The following DNAH14 variants were observed in gnomAD, a reference collection of about 807,000 sequenced individuals.
The protein encoded by DNAH14 is axonemal beta dynein heavy chain 14.
DNAH14 carries 478 observed loss-of-function variants against 520.9 expected under a neutral mutation model. That is an observed-to-expected ratio of 0.92 (90% CI 0.85 to 0.99). The LOEUF (loss-of-function observed/expected upper bound fraction) is 0.99. DNAH14 is among the 50% of genes least tolerant of loss of function. DNAH14 has a pLI of 0.00. For missense variants in DNAH14, 4,831 were observed against 5,234.5 expected (o/e 0.92, Z 2.38); for synonymous variants, 1,581 against 1,757.2 (o/e 0.90, Z 2.51).
chr1:224,938,072 T>C (rs1440548646), intron 1 of DNAH14, among the ~76,000 whole-genome samples: 2 of 152,084 alleles, frequency 1.3e-5, no homozygotes, highest in African/African-American at 4.8e-5. Flanking sequence ...AAGACCTGAA[T>C]CTAAGAACTG....
In DNAH14 at chr1:225,354,010, C is replaced by T. The variant is rs1180383710; in HGVS notation, c.11619+122C>T. 9.3e-5 allele frequency: 63 copies of T among 679,640 alleles called. No individual in the cohort carries two copies. The South Asian group carries it at 1.1e-3, about 12-fold the overall frequency. 42.1% of individuals were successfully genotyped at this position (679,640 alleles called of 1,614,324 possible). A position where few individuals can be genotyped will look rare whatever the true frequency, so the allele number is the denominator to read the frequency against. On this transcript the variant is annotated intron_variant, in intron 73 of 85. Coordinates refer to ENST00000682510, the MANE Select transcript of DNAH14 (RefSeq NM_001367479.1). ...GTATTTTTAAAGTACATTTCGTGAA[C>T]GTTAATAGGAGAGGGAAGCACCTAC...
At position 225,303,250 on chromosome 1, in the gene DNAH14, C is replaced by A. The variant is rs767324360; in HGVS notation, c.8726C>A (p.Ser2909Tyr). 1.2e-5 allele frequency: 18 copies of A among 1,551,386 alleles called. No individual in the cohort carries two copies. The highest frequency in any genetic ancestry group is 1.4e-5 in the Non-Finnish European group (16 of 1,146,844). The change falls in exon 57 of 86, where the codon TCC becomes TAC. Residue 2909 changes from serine to tyrosine, a missense_variant. Transcript: ENST00000682510. The stretch of plus-strand genomic sequence containing the variant: ...AGAGTGTATCCTTCTATGATTAGCT[C>A]CTGCACGATCGATTGGTATGAGAGG... The part of the protein sequence containing the change: ...NCRVYPSMIS[S>Y]CTIDWYERWP...
intron 58 of DNAH14, among the ~76,000 whole-genome samples, 171 bp from the exon 59 acceptor site, chr1:225,307,287 CTTG>C (rs2094266106): frequency 6.6e-6 from 1 of 151,984 alleles, no homozygotes; most frequent in African/African-American, 2.4e-5. Context: ...TTCTTTATAC[CTTG>C]TTAATATAGT....
In DNAH14 at chr1:225,318,607, G is replaced by T. The variant is rs967936534; in HGVS notation, c.9265G>T (p.Val3089Leu). The change falls in exon 61 of 86, where the codon GTG becomes TTG. Residue 3089 changes from valine to leucine, a missense_variant. Val to Leu is a conservative substitution (Grantham distance 32). Transcript: ENST00000682510. ...GAAAACTGCCAATGAACTAAAAAGT[G>T]TGCTGCCAGCCTTTGACAAGGCAAT... ...AQKTANELKSVLPAFDKAIVA... is the reference protein window; with the variant it reads ...AQKTANELKSLLPAFDKAIVA... 5 of 1,548,244 alleles carry T rather than the reference G, an allele frequency of 3.2e-6. No homozygotes were observed. In the African/African-American group the frequency reaches 6.9e-5, roughly 21 times the overall value.
Position 225,079,291 on chromosome 1 carries a change from A to G in DNAH14, c.2509A>G (p.Ile837Val). The change falls in exon 18 of 86, where the codon ATT (isoleucine) becomes GTT (valine). Residue 837 changes from isoleucine to valine, a missense_variant. Ile to Val is a conservative substitution (Grantham distance 29, BLOSUM62 3). Coordinates refer to ENST00000682510, the MANE Select transcript of DNAH14 (RefSeq NM_001367479.1). ...FLEHFIFLNA[I>V]SSKISKLEKE... Reference sequence around the variant, plus strand: ...GGAGCATTTTATTTTTTTGAATGCAATTTCCTCAAAAATATCTAAATTAGA... The same window carrying G: ...GGAGCATTTTATTTTTTTGAATGCAGTTTCCTCAAAAATATCTAAATTAGA... 1.3e-6 allele frequency: 2 copies of G among 1,549,424 alleles called. No individual in the cohort carries two copies. Among genetic ancestry groups the G allele is most frequent in the Non-Finnish European group, 1.7e-6 (2 of 1,146,446 alleles).
chr1:225,061,202 C>A (rs2070035202), intron 17 of DNAH14, among the ~76,000 whole-genome samples: 1 of 152,200 alleles, frequency 6.6e-6, no homozygotes, highest in Non-Finnish European at 1.5e-5. Context: ...CCTACTCAAG[C>A]CTCGGCAATG....
At position 225,250,676 on chromosome 1, in the gene DNAH14, T is replaced by A. The variant is rs771682869; in HGVS notation, c.6749-1625T>A. On this transcript the variant is annotated intron_variant, in intron 43 of 85. Transcript: ENST00000682510. ...CTCAGGATGGAAGCACTGGGGTCAGTCACAGGGCAGACGGAGAAAGGGGAA... is the reference window on the plus strand; with the variant it reads ...CTCAGGATGGAAGCACTGGGGTCAGACACAGGGCAGACGGAGAAAGGGGAA... The A allele has an allele frequency of 1.2e-5, 7 of 565,114 alleles. No individual in the cohort carries two copies. The South Asian group carries it at 1.5e-4, about 12-fold the overall frequency. 35.0% of individuals were successfully genotyped at this position (565,114 alleles called of 1,614,324 possible).
intron 8 of DNAH14, among the ~76,000 whole-genome samples, chr1:224,980,363 TGTGGTG>T (rs1171003050): frequency 6.6e-6 from 1 of 152,142 alleles, no homozygotes; most frequent in Non-Finnish European, 1.5e-5. Context: ...CCTATGGGCC[TGTGGTG>T]GTGGTGGCCA....
chr1:225,332,562 G>C (rs954296291), intron 65 of DNAH14, among the ~76,000 whole-genome samples: 3 of 152,116 alleles, frequency 2.0e-5, no homozygotes, highest in African/African-American at 4.8e-5. Flanking sequence ...AACTCCAAAG[G>C]CGGTGTCAAA....
chr1:225,358,737 A>G, intron 74 of DNAH14, 85 bp downstream of exon 74: 4 of 1,390,270 alleles, frequency 2.9e-6, no homozygotes, highest in Non-Finnish European at 3.9e-6. Context: ...TGTAATCCCC[A>G]TAATCCCCAC....
At chr1:224,976,870 A>G (rs1046772025) in intron 8 of DNAH14, among the ~76,000 whole-genome samples, 14 of 151,594 alleles carry the variant, frequency 9.2e-5, no homozygotes, top group Admixed American at 9.2e-4. Context: ...AGAAATAGGA[A>G]CACTTTTACA....
At chr1:225,386,868 C>A (rs964415501) in intron 81 of DNAH14, among the ~76,000 whole-genome samples, 6 of 152,216 alleles carry the variant, frequency 3.9e-5, no homozygotes, top group Non-Finnish European at 8.8e-5. Context: ...TTGACCCAGC[C>A]ATCCCATTAC....
intron 27 of DNAH14, among the ~76,000 whole-genome samples, chr1:225,128,971 T>C (rs1242088014): frequency 1.3e-5 from 2 of 152,020 alleles, no homozygotes; most frequent in Non-Finnish European, 2.9e-5. Flanking sequence ...CAGCAAAGTC[T>C]CAGGATACAA....
intron 27 of DNAH14, among the ~76,000 whole-genome samples, chr1:225,133,849 A>G (rs1169896953): frequency 6.6e-6 from 1 of 152,202 alleles, no homozygotes; most frequent in Non-Finnish European, 1.5e-5. Context: ...GATTCTTCCT[A>G]TCCATGAGCA....
intron 63 of DNAH14, 110 bp downstream of exon 63, chr1:225,324,463 T>C: frequency 1.5e-6 from 2 of 1,366,314 alleles, no homozygotes; most frequent in Non-Finnish European, 2.0e-6. Context: ...AAAGGATACC[T>C]AAGGAGAAAC....
Position 225,399,232 on chromosome 1 carries a change from T to A in DNAH14, c.13817T>A (p.Met4606Lys). Residue 4606 changes from methionine to lysine, a missense_variant, in exon 86 of 86, where the codon ATG becomes AAG. Met to Lys is a moderately conservative substitution (Grantham distance 95). Transcript: ENST00000682510. ...TKKPPSHWIT[M>K]RVALLCEKNE... ...AAACCTCCTAGTCACTGGATCACAA[T>A]GCGGGTTGCATTGCTTTGTGAGAAG... The A allele has an allele frequency of 3.2e-6, 5 of 1,551,650 alleles. No homozygotes were observed. Among genetic ancestry groups the A allele is most frequent in the Non-Finnish European group, 4.4e-6 (5 of 1,146,940 alleles).
intron 4 of DNAH14, among the ~76,000 whole-genome samples, chr1:224,964,269 A>G (rs2061017219): frequency 6.6e-6 from 1 of 152,128 alleles, no homozygotes. Flanking sequence ...CTTTTGTGAC[A>G]TCTTTCTTAA....
intron 3 of DNAH14, among the ~76,000 whole-genome samples, chr1:224,957,452 T>G (rs1433841326): frequency 6.6e-6 from 1 of 152,082 alleles, no homozygotes; most frequent in Non-Finnish European, 1.5e-5. Context: ...TGTGTGTGGA[T>G]GTTTAAGCCA....
intron 22 of DNAH14, among the ~76,000 whole-genome samples, chr1:225,097,788 T>A (rs1014024437): frequency 6.6e-6 from 1 of 151,814 alleles, no homozygotes; most frequent in Non-Finnish European, 1.5e-5. Context: ...AAAAAAAGTG[T>A]CAGATACATC....
Sources: gnomAD v4.1 joint callset for allele counts (sites outside exome capture counted in the v4.1 genomes callset) on GRCh38, gnomAD v4.1.1 for gene constraint, MANE v1.5 for transcripts, NCBI Gene and HGNC (gene_info 2026-07-23, HGNC 2026-07-21) for gene names.